Variants in CDKL3 observed in about 807,000 individuals in gnomAD.
CDKL3 encodes cyclin-dependent kinase-like 3.
CDKL3 carries 65 observed loss-of-function variants against 69.3 expected under a neutral mutation model. The ratio of observed to expected loss-of-function variants is 0.94; its 90% confidence interval spans 0.77 to 1.15. The LOEUF (loss-of-function observed/expected upper bound fraction) is 1.15, where lower values mean the gene tolerates loss of function less well. Among genes scored for constraint, CDKL3 ranks in the 50% most tolerant of loss-of-function variants. The pLI is 0.00. For synonymous variants in CDKL3, 202 were observed against 221.6 expected, an observed-to-expected ratio of 0.91 and a Z score of 0.79; for missense variants, 652 against 689.2, an observed-to-expected ratio of 0.95 and a Z score of 0.61.
chr5:134,295,853 G>C (rs1456505607), downstream of CDKL3, among the ~76,000 whole-genome samples: 1 of 152,068 alleles, frequency 6.6e-6, no homozygotes, highest in African/African-American at 2.4e-5. Context: ...CACATAGAAG[G>C]CATTATGAGA....
chr5:134,304,812 CAATAAT>C (rs375747445), intron 10 of CDKL3, among the ~76,000 whole-genome samples: 9 of 144,280 alleles, frequency 6.2e-5, no homozygotes, highest in East Asian at 5.9e-4. Flanking sequence ...ATGAGAACCA[CAATAAT>C]AATAATAATA....
chr5:134,295,696 T>C (rs112009576), downstream of CDKL3, among the ~76,000 whole-genome samples: 2,225 of 152,344 alleles, frequency 0.015, 42 homozygotes, highest in African/African-American at 0.049. Context: ...GTTTTTCATG[T>C]TTCTTTAGTA....
chr5:134,357,896 T>C (rs541726473), intron 3 of CDKL3, among the ~76,000 whole-genome samples: 10 of 152,284 alleles, frequency 6.6e-5, no homozygotes, highest in African/African-American at 1.7e-4. Flanking sequence ...GATTTTGTTT[T>C]CATCCAGTCA....
intron 12 of CDKL3, among the ~76,000 whole-genome samples, chr5:134,301,000 AT>A (rs755292672): frequency 2.7e-3 from 390 of 145,650 alleles, no homozygotes; most frequent in African/African-American, 3.6e-3. Context: ...CTATTAATGG[AT>A]TTTTTTTTTT....
In CDKL3 at chr5:134,363,483, CAG is replaced by C. The variant is rs1310501472; in HGVS notation, c.165+2874_165+2875del. On this transcript the variant is annotated intron_variant, in intron 2 of 12. Transcript: ENST00000265334. ...TTTTTTTTTTTTTTTTTTTTTGAGA[CAG>C]AGTCTCACTCTGTCGCCCAGACTGG... Among the ~76,000 whole-genome samples the C allele has an allele frequency of 5.9e-5, 7 of 118,636 alleles. No individual in the cohort carries two copies. The South Asian group carries it at 1.4e-3, about 24-fold the overall frequency. 77.8% of individuals were successfully genotyped at this position (118,636 alleles called of 152,430 possible). A position where few individuals can be genotyped will look rare whatever the true frequency, so the allele number is the denominator to read the frequency against.
chr5:134,304,863 AT>A (rs1485785988), intron 10 of CDKL3, among the ~76,000 whole-genome samples: 1 of 150,052 alleles, frequency 6.7e-6, no homozygotes, highest in Admixed American at 6.7e-5. Context: ...TTTTGAGTGC[AT>A]TGGCATGATC....
chr5:134,306,441 G>A (rs1767845263), intron 10 of CDKL3, among the ~76,000 whole-genome samples, 168 bp downstream of exon 10: 1 of 152,060 alleles, frequency 6.6e-6, no homozygotes, highest in Non-Finnish European at 1.5e-5. Flanking sequence ...AGGCTGCAGT[G>A]AGCTGAGATC....
At chr5:134,333,324 T>C (rs992568923) in intron 4 of CDKL3, among the ~76,000 whole-genome samples, 3 of 152,234 alleles carry the variant, frequency 2.0e-5, no homozygotes, top group African/African-American at 7.2e-5. Context: ...TCTTGCCTGA[T>C]TGCCCTGGCC....
intron 4 of CDKL3, among the ~76,000 whole-genome samples, chr5:134,325,339 T>C (rs4602687): frequency 0.99 from 150,457 of 152,272 alleles, 74,354 homozygotes; most frequent in Middle Eastern, 1. Flanking sequence ...AATTATAGTA[T>C]ATACAGTTTT....
At chr5:134,291,499 A>G (rs1170824273) in intron 8 of CDKL3, among the ~76,000 whole-genome samples, 1 of 152,130 alleles carries the variant, frequency 6.6e-6, no homozygotes, top group Non-Finnish European at 1.5e-5. Context: ...GGCTGGGGAC[A>G]GTGGCTTACG....
chr5:134,284,160 G>T (rs1436304804), downstream of CDKL3, among the ~76,000 whole-genome samples: 1 of 152,070 alleles, frequency 6.6e-6, no homozygotes, highest in African/African-American at 2.4e-5. Flanking sequence ...AGTGAATAGT[G>T]GGGGAACCAG....
chr5:134,367,209 G>C (rs1032560963), upstream of CDKL3: 3 of 985,806 alleles, frequency 3.0e-6, no homozygotes, highest in East Asian at 2.3e-4. Flanking sequence ...GCAGGGTCCC[G>C]ACCCGGAAGG....
chr5:134,354,655 T>C (rs1754116843), intron 3 of CDKL3, among the ~76,000 whole-genome samples: 1 of 152,110 alleles, frequency 6.6e-6, no homozygotes, highest in Non-Finnish European at 1.5e-5. Flanking sequence ...CACATTAAGA[T>C]ACCGCTTCAG....
intron 4 of CDKL3, among the ~76,000 whole-genome samples, chr5:134,346,621 C>G (rs747210451): frequency 1.3e-5 from 2 of 152,042 alleles, no homozygotes; most frequent in African/African-American, 4.8e-5. Flanking sequence ...CTCAGTCTCT[C>G]GAGTAGCTGG....
intron 2 of CDKL3, 147 bp downstream of exon 2, chr5:134,366,212 A>C: frequency 8.4e-6 from 5 of 597,068 alleles, no homozygotes; most frequent in Non-Finnish European, 1.4e-5. Context: ...TATCACTATA[A>C]AATTACAAAA....
chr5:134,335,898 T>A (rs1176706460), intron 4 of CDKL3, among the ~76,000 whole-genome samples: 1 of 152,196 alleles, frequency 6.6e-6, no homozygotes, highest in Non-Finnish European at 1.5e-5. Context: ...TTTTCCTGGG[T>A]AATATCCTGA....
intron 4 of CDKL3, among the ~76,000 whole-genome samples, chr5:134,332,434 A>G (rs536537759): frequency 3.3e-5 from 5 of 152,122 alleles, no homozygotes; most frequent in Admixed American, 6.6e-5. Context: ...TAGGTCTTAC[A>G]TTTAAGTCTT....
chr5:134,344,118 G>T (rs1341377986), intron 4 of CDKL3, among the ~76,000 whole-genome samples: 1 of 152,100 alleles, frequency 6.6e-6, no homozygotes, highest in Non-Finnish European at 1.5e-5. Context: ...AATGAACTTG[G>T]ACTCTTACCT....
chr5:134,361,103 A>C (rs2149651782), intron 2 of CDKL3, among the ~76,000 whole-genome samples: 1 of 152,336 alleles, frequency 6.6e-6, no homozygotes, highest in East Asian at 1.9e-4. Context: ...CCCATGTATC[A>C]GCTTAGGAAA....
Sources: allele counts gnomAD v4.1 joint callset (sites outside exome capture counted in the v4.1 genomes callset), GRCh38; gene constraint gnomAD v4.1.1; transcripts MANE v1.5; gene names NCBI Gene and HGNC (gene_info 2026-07-23, HGNC 2026-07-21).